Variants in PDK3 observed in about 807,000 individuals in gnomAD.
The protein encoded by PDK3 is pyruvate dehydrogenase kinase 3.
A neutral mutation model predicts 32.0 loss-of-function variants in PDK3; 12 were observed. The observed-to-expected ratio is 0.37, with a 90% CI of 0.24 to 0.61. The LOEUF is 0.61. Ranked by LOEUF, PDK3 falls within the 20% of genes least tolerant of loss-of-function variation. The pLI is 0.65. For missense variants in PDK3, 188 were observed against 316.9 expected, an observed-to-expected ratio of 0.59 and a Z score of 3.09; for synonymous variants, 122 against 116.3, an observed-to-expected ratio of 1.05 and a Z score of -0.31.
intron 2 of PDK3, 119 bp from the exon 3 acceptor site, chrX:24,498,710 T>C: frequency 2.5e-6 from 1 of 400,637 alleles, no homozygotes; most frequent in Non-Finnish European, 4.2e-6. Flanking sequence ...GGGATGCGGA[T>C]GGGATGGAGA....
chrX:24,529,871 C>T (rs1174938937), intron 9 of PDK3, among the ~76,000 whole-genome samples: 1 of 111,982 alleles, frequency 8.9e-6, no homozygotes, highest in Admixed American at 9.4e-5. Flanking sequence ...TACACTTTTA[C>T]ACCTTTTACA....
chrX:24,516,098 T>A (rs2148196780), intron 5 of PDK3, among the ~76,000 whole-genome samples: 1 of 111,981 alleles, frequency 8.9e-6, no homozygotes, highest in East Asian at 2.8e-4. Context: ...TAATCTTATC[T>A]TTGTATTATT....
intron 1 of PDK3, among the ~76,000 whole-genome samples, chrX:24,488,421 G>A (rs2148185716): frequency 8.9e-6 from 1 of 112,442 alleles, no homozygotes; most frequent in South Asian, 3.7e-4. Flanking sequence ...AGGCGCAGTG[G>A]CTCACGCCTG....
chrX:24,490,730 A>C (rs935111640), intron 1 of PDK3, among the ~76,000 whole-genome samples: 1 of 110,810 alleles, frequency 9.0e-6, no homozygotes, highest in Non-Finnish European at 1.9e-5. Flanking sequence ...AAAAACCTTT[A>C]AATTCTGAAA....
chrX:24,471,285 G>A (rs770487346), intron 1 of PDK3, among the ~76,000 whole-genome samples: 1 of 112,599 alleles, frequency 8.9e-6, no homozygotes, highest in Admixed American at 9.4e-5. Context: ...TGCTTTAGCA[G>A]CTGATGTGTG....
rs184324161 is a variant in PDK3, at chrX:24,529,628, G to A, written c.963+1442G>A. ...CACGAAAATAGTCGGGAGCAGTGGC[G>A]CATGCTTGTAATCCCAGCTATTCAG... On this transcript the variant is annotated intron_variant, in intron 9 of 10. Transcript: ENST00000379162. 1.3e-4 allele frequency among the ~76,000 whole-genome samples: 14 copies of A among 110,469 alleles called. No homozygotes were observed. The East Asian group carries it at 3.4e-3, about 27-fold the overall frequency.
At chrX:24,528,539 C>T (rs776751482) in intron 9 of PDK3, among the ~76,000 whole-genome samples, 2 of 112,783 alleles carry the variant, frequency 1.8e-5, no homozygotes, top group South Asian at 3.7e-4. Flanking sequence ...AGGGACAGTA[C>T]TGAATGCATA....
intron 1 of PDK3, among the ~76,000 whole-genome samples, chrX:24,487,418 T>G (rs778488328): frequency 1.1e-4 from 12 of 111,686 alleles, no homozygotes; most frequent in Non-Finnish European, 1.9e-4. Context: ...AAACTACCTA[T>G]TGGGTACTGT....
At chrX:24,510,308 T>C (rs912025885) in intron 5 of PDK3, among the ~76,000 whole-genome samples, 62 of 112,566 alleles carry the variant, frequency 5.5e-4, no homozygotes, top group Non-Finnish European at 7.3e-4. Context: ...ATGTTTACGA[T>C]AGTAATCACA....
chrX:24,492,642 A>G (rs150569605), intron 1 of PDK3, among the ~76,000 whole-genome samples: 2 of 111,116 alleles, frequency 1.8e-5, no homozygotes, highest in East Asian at 2.8e-4. Context: ...AGAAGATTAA[A>G]CAATCAAAAA....
At chrX:24,475,321 A>G (rs1313980029) in intron 1 of PDK3, among the ~76,000 whole-genome samples, 2 of 110,749 alleles carry the variant, frequency 1.8e-5, no homozygotes, top group East Asian at 2.8e-4. Context: ...GGGTAAAGAT[A>G]TCTAACTTGG....
chrX:24,478,954 C>T (rs1206480776), intron 1 of PDK3, among the ~76,000 whole-genome samples: 2 of 112,085 alleles, frequency 1.8e-5, no homozygotes, highest in African/African-American at 3.2e-5. Flanking sequence ...TTTCCCATAC[C>T]ATGAAGTTAA....
Position 24,494,816 on chromosome X carries a change from A to G in PDK3, c.181A>G (p.Met61Val). 8.3e-7 allele frequency: 1 copy of G among 1,202,481 alleles called. No individual in the cohort carries two copies. Among genetic ancestry groups the G allele is most frequent in the Non-Finnish European group, 1.1e-6 (1 of 887,750 alleles). The change falls in exon 2 of 11, where the codon ATG (methionine) becomes GTG (valine). Residue 61 changes from methionine (M) to valine (V), a missense_variant. Physicochemically the swap from Met to Val is conservative, Grantham distance 21. Transcript: ENST00000379162. ...ACTTCCTGTGCGGCTGGCTAACACA[A>G]TGAGAGAAGTTAATCTTCTGCCGGA... ...KELPVRLANTMREVNLLPDNL... is the reference protein window; with the variant it reads ...KELPVRLANTVREVNLLPDNL...
intron 1 of PDK3, among the ~76,000 whole-genome samples, chrX:24,469,880 CAT>C (rs1161912568): frequency 1.8e-5 from 2 of 112,274 alleles, no homozygotes; most frequent in African/African-American, 6.5e-5. Flanking sequence ...GTGAAATTAA[CAT>C]ATCTATCATC....
chrX:24,469,481 A>G (rs1360112972), intron 1 of PDK3, among the ~76,000 whole-genome samples: 3 of 108,753 alleles, frequency 2.8e-5, no homozygotes, highest in Non-Finnish European at 3.8e-5. Context: ...TTAGTTTTTT[A>G]TTGTGGAAAT....
chrX:24,548,864 G>A (rs1026020608), exon 12 of PDK3: 6 of 111,883 alleles, frequency 5.4e-5, no homozygotes, highest in African/African-American at 1.9e-4. Context: ...GCTAAATGTC[G>A]TGTCACAAAA....
Position 24,523,460 on chromosome X carries a change from C to T in PDK3, c.674-2738C>T, listed in dbSNP as rs191995104. Among the ~76,000 whole-genome samples the T allele has an allele frequency of 2.8e-4, 31 of 112,234 alleles. No individual in the cohort carries two copies. In the East Asian group the frequency reaches 8.7e-3, roughly 32 times the overall value. Reference sequence around the variant, plus strand: ...GCAGCCACAGGGGAGGAGGCTGCAGCAGAGGTGGCAACTGGTTTGCCGAAG... The same window carrying T: ...GCAGCCACAGGGGAGGAGGCTGCAGTAGAGGTGGCAACTGGTTTGCCGAAG... On this transcript the variant is annotated intron_variant, in intron 6 of 10. Coordinates refer to ENST00000379162, the MANE Select transcript of PDK3 (RefSeq NM_005391.5).
In PDK3 at chrX:24,528,076, A is replaced by G; in HGVS notation, c.853A>G (p.Ile285Val). 1 of 1,114,008 alleles carries G rather than the reference A, an allele frequency of 9.0e-7. No individual in the cohort carries two copies. Among genetic ancestry groups the G allele is most frequent in the Non-Finnish European group, 1.2e-6 (1 of 806,478 alleles). The allele number at this position is 1,114,008 out of a possible 1,213,427, so 91.8% of individuals were successfully genotyped here. A position where few individuals can be genotyped will look rare whatever the true frequency, so the allele number is the denominator to read the frequency against. The change falls in exon 9 of 11, where the codon ATC (isoleucine) becomes GTC (valine). Residue 285 changes from isoleucine to valine, a missense_variant and splice_region_variant. Ile to Val is a conservative substitution (Grantham distance 29). Coordinates refer to ENST00000379162, the MANE Select transcript of PDK3 (RefSeq NM_005391.5). The part of the protein sequence containing the change: ...TLGKEDLSIK[I>V]SDLGGGVPLR... ...ATTGTTAACATTTTGAACATTGCAG[A>G]TCAGTGACCTAGGTGGTGGTGTCCC...
chrX:24,504,797 A>T (rs1231562273), intron 4 of PDK3, among the ~76,000 whole-genome samples: 1 of 112,438 alleles, frequency 8.9e-6, no homozygotes, highest in Non-Finnish European at 1.9e-5. Flanking sequence ...GACACTTTGC[A>T]AGCTTGTCCA....
Sources: allele counts gnomAD v4.1 joint callset (sites outside exome capture counted in the v4.1 genomes callset), GRCh38; gene constraint gnomAD v4.1.1; transcripts MANE v1.5; gene names NCBI Gene and HGNC (gene_info 2026-07-23, HGNC 2026-07-21).